Variants in ZNF385D observed in about 807,000 individuals in gnomAD.
ZNF385D encodes the protein zinc finger protein 659.
ZNF385D carries 15 observed loss-of-function variants against 35.8 expected under a neutral mutation model. The observed-to-expected ratio is 0.42, with a 90% CI of 0.28 to 0.64. ZNF385D has a LOEUF of 0.64. Ranked by LOEUF, ZNF385D falls within the 30% of genes least tolerant of loss-of-function variation. The pLI is 0.23. For missense variants in ZNF385D, 474 were observed against 494.6 expected, an observed-to-expected ratio of 0.96 and a Z score of 0.39; for synonymous variants, 212 against 186.8, an observed-to-expected ratio of 1.13 and a Z score of -1.10.
intron 3 of ZNF385D, among the ~76,000 whole-genome samples, chr3:22,076,770 T>A (rs1053417243): frequency 1.3e-5 from 2 of 151,796 alleles, no homozygotes; most frequent in African/African-American, 4.8e-5. Context: ...TAATAACAAA[T>A]TGAAAAATAT....
At chr3:21,941,245 A>G (rs1701500890) in intron 3 of ZNF385D, among the ~76,000 whole-genome samples, 1 of 152,170 alleles carries the variant, frequency 6.6e-6, no homozygotes, top group Non-Finnish European at 1.5e-5. Context: ...TTTATATGTT[A>G]CTATGTTGAT....
At chr3:22,091,592 A>AG in intron 3 of ZNF385D, among the ~76,000 whole-genome samples, 1 of 151,636 alleles carries the variant, frequency 6.6e-6, no homozygotes, top group Non-Finnish European at 1.5e-5. Flanking sequence ...CCCAGTAGGA[A>AG]AAAAAAAGCC....
At chr3:22,212,813 C>T (rs954972519) in intron 2 of ZNF385D, among the ~76,000 whole-genome samples, 1 of 151,884 alleles carries the variant, frequency 6.6e-6, no homozygotes, top group Admixed American at 6.6e-5. Context: ...CTACAACATT[C>T]GCTTGTTATC....
chr3:21,938,331 T>C (rs562369567), intron 3 of ZNF385D, among the ~76,000 whole-genome samples: 4 of 152,294 alleles, frequency 2.6e-5, no homozygotes, highest in Non-Finnish European at 4.4e-5. Flanking sequence ...GTGTGACACA[T>C]GTCACTGAAG....
chr3:21,568,383 TTATTTAC>T lies in ZNF385D; in HGVS notation c.166-3706_166-3700del, dbSNP rs200020175. On this transcript the variant is annotated intron_variant, in intron 2 of 7. Transcript: ENST00000281523. ...TTGATCATTTTGTCTAAACTTATCT[TTATTTAC>T]TATTATAATCAAATATTTTATATAA... is the stretch of plus-strand genomic sequence containing the variant. Among the ~76,000 whole-genome samples the T allele has an allele frequency of 9.3e-4, 141 of 152,312 alleles. No homozygotes were observed. In the East Asian group the frequency reaches 0.022, roughly 23 times the overall value.
chr3:21,689,062 T>G (rs2067197900), intron 1 of ZNF385D, among the ~76,000 whole-genome samples: 1 of 149,636 alleles, frequency 6.7e-6, no homozygotes, highest in Admixed American at 6.7e-5. Context: ...ACTTGCAATC[T>G]GAACATCTAA....
chr3:21,679,217 T>G (rs2066822571), intron 1 of ZNF385D, among the ~76,000 whole-genome samples: 1 of 152,238 alleles, frequency 6.6e-6, no homozygotes, highest in East Asian at 1.9e-4. Flanking sequence ...CTGTAAGGCT[T>G]ACAGGGAGAA....
At chr3:22,043,620 C>T (rs1400327696) in intron 3 of ZNF385D, among the ~76,000 whole-genome samples, 1 of 117,360 alleles carries the variant, frequency 8.5e-6, no homozygotes, top group Non-Finnish European at 1.9e-5. Context: ...CCTGCCTTCT[C>T]TTCTAGCAGA....
intron 3 of ZNF385D, among the ~76,000 whole-genome samples, chr3:21,932,987 C>A (rs1048909164): frequency 6.6e-6 from 1 of 152,104 alleles, no homozygotes; most frequent in Non-Finnish European, 1.5e-5. Flanking sequence ...TTTCTCCAAA[C>A]CTGGCTGGCC....
intron 1 of ZNF385D, among the ~76,000 whole-genome samples, chr3:21,698,384 G>T (rs1271038899): frequency 7.3e-6 from 1 of 137,376 alleles, no homozygotes; most frequent in Non-Finnish European, 1.6e-5. Flanking sequence ...CTTATAATTT[G>T]GAGCTAAACA....
chr3:22,252,289 A>G (rs1244059223), intron 2 of ZNF385D, among the ~76,000 whole-genome samples: 1 of 152,038 alleles, frequency 6.6e-6, no homozygotes, highest in East Asian at 1.9e-4. Context: ...TTTTATACCA[A>G]TAAACTAATT....
At chr3:22,096,334 TTAAA>T (rs1382944845) in intron 3 of ZNF385D, among the ~76,000 whole-genome samples, 2 of 148,150 alleles carry the variant, frequency 1.3e-5, no homozygotes, top group Admixed American at 6.9e-5. Context: ...AACTATTTTT[TTAAA>T]TAAATAAATA....
chr3:21,682,103 T>A (rs1385179391), intron 1 of ZNF385D, among the ~76,000 whole-genome samples: 3 of 152,130 alleles, frequency 2.0e-5, no homozygotes, highest in Non-Finnish European at 4.4e-5. Context: ...TAAGCCACAT[T>A]TGATGGATTA....
chr3:21,531,278 G>T (rs1240236948), intron 3 of ZNF385D, among the ~76,000 whole-genome samples: 1 of 152,172 alleles, frequency 6.6e-6, no homozygotes, highest in East Asian at 1.9e-4. Context: ...AGGATGTGGA[G>T]AAACAGGAAC....
At chr3:22,277,642 T>G (rs1030127038) in intron 2 of ZNF385D, among the ~76,000 whole-genome samples, 4 of 152,010 alleles carry the variant, frequency 2.6e-5, no homozygotes, top group African/African-American at 9.7e-5. Context: ...ACTCATAATA[T>G]TATGGAAAAT....
intron 2 of ZNF385D, among the ~76,000 whole-genome samples, chr3:21,598,200 A>G (rs2064178791): frequency 6.6e-6 from 1 of 152,198 alleles, no homozygotes; most frequent in African/African-American, 2.4e-5. Context: ...CGGTATCTAT[A>G]AAGATATACT....
intron 1 of ZNF385D, among the ~76,000 whole-genome samples, chr3:21,688,098 T>C (rs889272676): frequency 6.6e-6 from 1 of 152,094 alleles, no homozygotes; most frequent in African/African-American, 2.4e-5. Flanking sequence ...CTCACCTCTA[T>C]TATTTTTGGT....
At chr3:21,964,470 A>ATTTTTTTT (rs377650103) in intron 3 of ZNF385D, among the ~76,000 whole-genome samples, 2 of 68,144 alleles carry the variant, frequency 2.9e-5, no homozygotes, top group Non-Finnish European at 5.0e-5. Context: ...AATTTCTCAG[A>ATTTTTTTT]TTTTTTTTTT....
chr3:21,662,853 A>C (rs1310121475), intron 2 of ZNF385D, among the ~76,000 whole-genome samples: 2 of 152,240 alleles, frequency 1.3e-5, no homozygotes, highest in Admixed American at 6.5e-5. Context: ...AAGGGTTTAC[A>C]AGCTGCTTAT....
Sources: allele counts gnomAD v4.1 joint callset (sites outside exome capture counted in the v4.1 genomes callset), GRCh38; gene constraint gnomAD v4.1.1; transcripts MANE v1.5; gene names NCBI Gene and HGNC (gene_info 2026-07-23, HGNC 2026-07-21).